The following SPRR2F variants were observed in gnomAD, a reference collection of about 807,000 sequenced individuals.
The protein encoded by SPRR2F is small proline rich protein 2F.
SPRR2F carries 2 observed loss-of-function variants against 0.8 expected under a neutral mutation model. The ratio of observed to expected loss-of-function variants is 2.52; its 90% CI spans 1.03 to 7.95. SPRR2F has a LOEUF of 7.95. SPRR2F is among the 30% of genes most tolerant of loss of function. SPRR2F has a pLI of 0.04. For missense variants in SPRR2F, 80 were observed against 85.8 expected, an observed-to-expected ratio of 0.93 and a Z score of 0.27; for synonymous variants, 39 against 33.4, an observed-to-expected ratio of 1.17 and a Z score of -0.58.
Position 153,112,476 on chromosome 1 carries a change from A to G in SPRR2F, c.*39T>C, listed in dbSNP as rs749118958. 1 of 1,590,998 alleles carries G rather than the reference A, an allele frequency of 6.3e-7. No homozygotes were observed. The highest frequency in any genetic ancestry group is 1.3e-5 in the African/African-American group (1 of 74,804). Reference sequence around the variant, plus strand: ...AGCTGTGGAACGAGGTGAGCCAATTATCCTTATCCTTTCATGCTCCTGATG... The same window carrying G: ...AGCTGTGGAACGAGGTGAGCCAATTGTCCTTATCCTTTCATGCTCCTGATG... On this transcript the variant is annotated 3_prime_UTR_variant, in exon 2 of 2. Coordinates refer to ENST00000468739, the MANE Select transcript of SPRR2F (RefSeq NM_001014450.3).
At chr1:153,114,775 A>G (rs1655687268), upstream of SPRR2F, among the ~76,000 whole-genome samples, 1 of 152,096 alleles carries the variant, frequency 6.6e-6, no homozygotes, top group South Asian at 2.1e-4. Flanking sequence ...CATATTGTTC[A>G]CTCAACATAT....
chr1:153,117,387 T>A (rs896005375), upstream of SPRR2F, among the ~76,000 whole-genome samples: 2 of 152,180 alleles, frequency 1.3e-5, no homozygotes, highest in Middle Eastern at 6.8e-3. Context: ...GTTAACTGTG[T>A]TAGTTTGCAG....
upstream of SPRR2F, among the ~76,000 whole-genome samples, chr1:153,115,735 T>TTCTA (rs796357660): frequency 2.0e-5 from 3 of 152,074 alleles, no homozygotes; most frequent in African/African-American, 7.2e-5. Flanking sequence ...TCTATCTATC[T>TTCTA]TCTATCTATC....
upstream of SPRR2F, among the ~76,000 whole-genome samples, chr1:153,113,941 A>G (rs1223682357): frequency 6.7e-6 from 1 of 150,354 alleles, no homozygotes; most frequent in Non-Finnish European, 1.5e-5. Context: ...CAATTTGCCA[A>G]TGCGCTAAAA....
chr1:153,114,838 C>G (rs1055329053), upstream of SPRR2F, among the ~76,000 whole-genome samples: 1 of 152,138 alleles, frequency 6.6e-6, no homozygotes, highest in African/African-American at 2.4e-5. Flanking sequence ...TAAACTCTTC[C>G]AGCAATTAGT....
chr1:153,117,565 A>G (rs1655741929), upstream of SPRR2F, among the ~76,000 whole-genome samples: 1 of 152,080 alleles, frequency 6.6e-6, no homozygotes, highest in Non-Finnish European at 1.5e-5. Flanking sequence ...CTAAGTCCTT[A>G]TAAGGAACTG....
At chr1:153,115,719 T>TA (rs1655710899), upstream of SPRR2F, among the ~76,000 whole-genome samples, 1 of 152,162 alleles carries the variant, frequency 6.6e-6, no homozygotes, top group African/African-American at 2.4e-5. Flanking sequence ...TGTGTCTATC[T>TA]ATCTATCTAT....
At position 153,112,231 on chromosome 1, in the gene SPRR2F, C is replaced by G. The variant is rs1351581410; in HGVS notation, c.*284G>C. 6.0e-6 allele frequency: 3 copies of G among 498,222 alleles called. No homozygotes were observed. Among genetic ancestry groups the G allele is most frequent in the African/African-American group, 5.8e-5 (3 of 51,538 alleles). The allele number at this position is 498,222 out of a possible 1,614,324, so 30.9% of individuals were successfully genotyped here. ...ACACAGAAAACATCAACAGAATTCT[C>G]TAATGGTTCCCAGGGAGAGAGCTGC... On this transcript the variant is annotated 3_prime_UTR_variant, in exon 2 of 2. Coordinates refer to ENST00000468739, the MANE Select transcript of SPRR2F (RefSeq NM_001014450.3).
At chr1:153,112,858 T>G in intron 1 of SPRR2F, 106 bp from the exon 2 acceptor site, 1 of 1,506,958 alleles carries the variant, frequency 6.6e-7, no homozygotes, top group Non-Finnish European at 8.9e-7. Flanking sequence ...CTCCAAGAAA[T>G]TATTTAAACT....
chr1:153,118,507 A>G (rs185564817), upstream of SPRR2F, among the ~76,000 whole-genome samples: 7 of 152,132 alleles, frequency 4.6e-5, no homozygotes, highest in African/African-American at 1.7e-4. Context: ...CCTTAATAAG[A>G]CTGTTGACCA....
chr1:153,114,990 C>T (rs1252832580), upstream of SPRR2F, among the ~76,000 whole-genome samples: 1 of 152,112 alleles, frequency 6.6e-6, no homozygotes, highest in East Asian at 1.9e-4. Context: ...AGAGGAAAGA[C>T]TCAAAATCAT....
rs753814236 is a variant in SPRR2F, at chr1:153,112,646, G to A, written c.88C>T (p.Pro30Ser). 1.2e-6 allele frequency: 2 copies of A among 1,612,532 alleles called. No homozygotes were observed. The highest frequency in any genetic ancestry group is 8.5e-7 in the Non-Finnish European group (1 of 1,179,842). The change falls in exon 2 of 2, where the codon CCG becomes TCG. Residue 30 changes from proline (P) to serine (S), a missense_variant. Transcript: ENST00000468739. The stretch of plus-strand genomic sequence containing the variant: ...GGTGGGCAGGGCTCAGGGCACTTCG[G>A]GGGTGGACATGGCTCTGGGCACTTT... Reference protein sequence around the residue: ...APKCPEPCPPPKCPEPCPPSK... With the variant: ...APKCPEPCPPSKCPEPCPPSK...
At chr1:153,114,055 CT>C (rs1414786584), upstream of SPRR2F, among the ~76,000 whole-genome samples, 1 of 133,854 alleles carries the variant, frequency 7.5e-6, no homozygotes, top group African/African-American at 2.9e-5. Flanking sequence ...GGCAGGTCAC[CT>C]CTCCTCCCTG....
At chr1:153,119,437 C>T in the SPRR2F span, among the ~76,000 whole-genome samples, 137 of 152,308 alleles carry the variant, frequency 9.0e-4, 2 homozygotes, top group Admixed American at 8.4e-3. Flanking sequence ...TGAATGCACT[C>T]AGACCCAGAA....
chr1:153,115,295 A>G (rs1429221964), upstream of SPRR2F, among the ~76,000 whole-genome samples: 1 of 152,240 alleles, frequency 6.6e-6, no homozygotes, highest in African/African-American at 2.4e-5. Flanking sequence ...TAGGTCACTT[A>G]CTACTCCCCA....
At chr1:153,119,407 G>A in the SPRR2F span, among the ~76,000 whole-genome samples, 1 of 152,188 alleles carries the variant, frequency 6.6e-6, no homozygotes, top group African/African-American at 2.4e-5. Context: ...AGACCACGGG[G>A]TAAAAGGAGG....
At chr1:153,116,053 A>G (rs1655716976), upstream of SPRR2F, among the ~76,000 whole-genome samples, 1 of 152,234 alleles carries the variant, frequency 6.6e-6, no homozygotes, top group South Asian at 2.1e-4. Flanking sequence ...ATGCAAGAAG[A>G]AACAGGAATT....
Position 153,112,766 on chromosome 1 carries a change from T to C in SPRR2F, c.-19-14A>G. The C allele has an allele frequency of 6.2e-7, 1 of 1,610,286 alleles. No homozygotes were observed. Among genetic ancestry groups the C allele is most frequent in the Non-Finnish European group, 8.5e-7 (1 of 1,179,822 alleles). On this transcript the variant is annotated splice_polypyrimidine_tract_variant and intron_variant, in intron 1 of 1. Coordinates refer to ENST00000468739, the MANE Select transcript of SPRR2F (RefSeq NM_001014450.3). ...GAGTCTCAGAATCTGAAAGAAATTA[T>C]ATGACAGTGTTCACGGGAAGGGAAT...
At chr1:153,116,003 A>G (rs1655716175), upstream of SPRR2F, among the ~76,000 whole-genome samples, 1 of 152,200 alleles carries the variant, frequency 6.6e-6, no homozygotes, top group Non-Finnish European at 1.5e-5. Context: ...TACACCATTA[A>G]ACAAAATAGT....
Sources: gnomAD v4.1 joint callset for allele counts (sites outside exome capture counted in the v4.1 genomes callset) on GRCh38, gnomAD v4.1.1 for gene constraint, MANE v1.5 for transcripts, NCBI Gene and HGNC (gene_info 2026-07-23, HGNC 2026-07-21) for gene names.